Variants in OLFML2A observed in about 807,000 individuals in gnomAD.
OLFML2A encodes olfactomedin like 2A, also known as olfactomedin-like protein 2A.
In OLFML2A, 47 loss-of-function variants were observed where a neutral mutation model predicts 60.9. The observed-to-expected ratio is 0.77, with a 90% CI of 0.61 to 0.98. OLFML2A has a LOEUF of 0.98. OLFML2A is among the 50% of genes least tolerant of loss of function. The pLI, the probability that OLFML2A is intolerant of heterozygous loss-of-function variation, is 0.00. For synonymous variants in OLFML2A, 372 were observed against 375.0 expected (o/e 0.99, Z 0.09); for missense variants, 922 against 879.8 (o/e 1.05, Z -0.61).
chr9:124,805,670 C>A (rs1841879244), intron 6 of OLFML2A, among the ~76,000 whole-genome samples: 1 of 152,000 alleles, frequency 6.6e-6, no homozygotes, highest in Non-Finnish European at 1.5e-5. Flanking sequence ...GCAGTGTATA[C>A]TGCTCAGGTG....
intron 7 of OLFML2A, among the ~76,000 whole-genome samples, chr9:124,809,420 A>G (rs1841958734): frequency 6.6e-6 from 1 of 151,940 alleles, no homozygotes; most frequent in Admixed American, 6.6e-5. Flanking sequence ...AGGAGGTGAC[A>G]TTGGCCTGGG....
At chr9:124,781,051 A>T (rs544022571) in intron 1 of OLFML2A, among the ~76,000 whole-genome samples, 1 of 152,288 alleles carries the variant, frequency 6.6e-6, no homozygotes, top group East Asian at 1.9e-4. Context: ...CCCAGTTGGG[A>T]ACTCATGGAG....
intron 2 of OLFML2A, among the ~76,000 whole-genome samples, chr9:124,792,165 CTG>C (rs1268697974): frequency 6.6e-6 from 1 of 152,254 alleles, no homozygotes; most frequent in Non-Finnish European, 1.5e-5. Context: ...ATCTGGTCAA[CTG>C]TGTGGCACTA....
At chr9:124,798,031 G>A (rs759474595) in intron 3 of OLFML2A, among the ~76,000 whole-genome samples, 4 of 152,246 alleles carry the variant, frequency 2.6e-5, no homozygotes, top group Admixed American at 6.5e-5. Flanking sequence ...GAGCCGGCAC[G>A]GCCCAGGAGA....
At position 124,814,785 on chromosome 9, in the gene OLFML2A, T is replaced by G. The variant is rs61549170; in HGVS notation, c.*4373T>G. ...CTTTACCCTAATCTTTTTATTTTTA[T>G]GCTATTGTACTTTATTTTTGTAAGT... On this transcript the variant is annotated 3_prime_UTR_variant, in exon 8 of 8. Transcript: ENST00000373580. 6.6e-6 allele frequency: 1 copy of G among 152,180 alleles called. No homozygotes were observed. Among genetic ancestry groups the G allele is most frequent in the Non-Finnish European group, 1.5e-5 (1 of 68,044 alleles). 9.4% of individuals were successfully genotyped at this position (152,180 alleles called of 1,614,324 possible).
intron 3 of OLFML2A, among the ~76,000 whole-genome samples, chr9:124,798,462 G>A (rs1043131841): frequency 6.6e-6 from 1 of 152,014 alleles, no homozygotes; most frequent in African/African-American, 2.4e-5. Context: ...TGCTTGCAGT[G>A]AGCCAAGATC....
rs1390049251 is a variant in OLFML2A at position 124,803,880 on chromosome 9, A to G, written c.920-214A>G. On this transcript the variant is annotated intron_variant, in intron 5 of 7. Coordinates refer to ENST00000373580, the MANE Select transcript of OLFML2A (RefSeq NM_182487.4). Reference sequence around the variant, plus strand: ...CCAGGAAGGCAGGGGGACATGGCTGAGGCCACCTGGCTGGGTTTAGAGCCC... The same window carrying G: ...CCAGGAAGGCAGGGGGACATGGCTGGGGCCACCTGGCTGGGTTTAGAGCCC... Among the ~76,000 whole-genome samples the G allele has an allele frequency of 5.3e-5, 8 of 152,310 alleles. No individual in the cohort carries two copies. In the East Asian group the frequency reaches 1.5e-3, roughly 29 times the overall value.
At chr9:124,793,336 G>A (rs760958026) in intron 2 of OLFML2A, among the ~76,000 whole-genome samples, 1 of 152,186 alleles carries the variant, frequency 6.6e-6, no homozygotes, top group Non-Finnish European at 1.5e-5. Context: ...GAGAGGGAGA[G>A]GGGGAGCTGT....
rs368326922 is a variant in OLFML2A, at chr9:124,799,446, C to T, written c.624C>T (p.Ala208=). ...TCCAGCTGCTGCAGAAGGATGCCGC[C>T]GCCGCCCCTGCCACCCCTGCCACGG... ...LGLQLLQKDA[A]AAPATPATGT... Residue 208 remains alanine (A), a synonymous_variant, in exon 4 of 8, where the codon GCC becomes GCT. Transcript: ENST00000373580. 2.6e-4 allele frequency: 423 copies of T among 1,608,036 alleles called. No individual in the cohort carries two copies. Among genetic ancestry groups the T allele is most frequent in the Middle Eastern group, 2.2e-3 (13 of 5,932 alleles).
At chr9:124,799,637 C>A in intron 4 of OLFML2A, 146 bp downstream of exon 4, 1 of 672,504 alleles carries the variant, frequency 1.5e-6, no homozygotes, top group Admixed American at 2.6e-5. Flanking sequence ...GAGTCCCTGG[C>A]AGGGTGAGGT....
chr9:124,790,494 C>A (rs892973169), intron 2 of OLFML2A, among the ~76,000 whole-genome samples: 1 of 152,112 alleles, frequency 6.6e-6, no homozygotes, highest in African/African-American at 2.4e-5. Flanking sequence ...GAATTCTCTA[C>A]TTTGTCCCCT....
rs913285759 is a variant in OLFML2A, at chr9:124,811,344, G to C, written c.*932G>C. On this transcript the variant is annotated 3_prime_UTR_variant, in exon 8 of 8. Transcript: ENST00000373580. ...CTCCCTGGTTCATCCCAGAGCCTTT[G>C]GGCCTGGAGTCCGCCTTGTCCTTTT... 1 of 152,784 alleles carries C rather than the reference G, an allele frequency of 6.5e-6. No individual in the cohort carries two copies. The highest frequency in any genetic ancestry group is 2.4e-5 in the African/African-American group (1 of 41,464). The allele number at this position is 152,784 out of a possible 1,614,324, so 9.5% of individuals were successfully genotyped here.
intron 2 of OLFML2A, among the ~76,000 whole-genome samples, chr9:124,788,170 C>T (rs1242521073): frequency 6.6e-6 from 1 of 151,770 alleles, no homozygotes; most frequent in Non-Finnish European, 1.5e-5. Context: ...GGCATGGTGG[C>T]AGGTGCCTGT....
chr9:124,778,711 C>A (rs977633435), intron 1 of OLFML2A, among the ~76,000 whole-genome samples: 1 of 151,914 alleles, frequency 6.6e-6, no homozygotes, highest in Non-Finnish European at 1.5e-5. Flanking sequence ...GCAGGAGAAT[C>A]GCTTGAACCC....
At chr9:124,785,523 G>A (rs1389853652) in intron 1 of OLFML2A, among the ~76,000 whole-genome samples, 4 of 147,098 alleles carry the variant, frequency 2.7e-5, no homozygotes, top group East Asian at 4.2e-4. Context: ...TCAGCCTCCC[G>A]AGTAGCTGGG....
In OLFML2A at chr9:124,810,402, TC is replaced by T; in HGVS notation, c.1950del (p.Phe650LeufsTer45). 6.3e-7 allele frequency: 1 copy of T among 1,595,954 alleles called. No homozygotes were observed. Among genetic ancestry groups the T allele is most frequent in the Non-Finnish European group, 8.5e-7 (1 of 1,176,910 alleles). On this transcript the variant is annotated frameshift_variant, in exon 8 of 8. Transcript: ENST00000373580. LOFTEE classifies it high-confidence loss of function. ...NGHQLTYTLH[F>X]VV is the part of the protein sequence containing the mutation. ...CACCAGCTCACCTACACCCTCCACTTCGTGGTCTGAGTGGAGACCTGTGCTC... is the reference window on the plus strand; with the variant it reads ...CACCAGCTCACCTACACCCTCCACTTGTGGTCTGAGTGGAGACCTGTGCTC...
chr9:124,784,940 C>CTTTTTTTTTT (rs1461676348), intron 1 of OLFML2A, among the ~76,000 whole-genome samples: 3 of 50,050 alleles, frequency 6.0e-5, no homozygotes, highest in African/African-American at 2.9e-4. Flanking sequence ...ATTCCTTTTA[C>CTTTTTTTTTT]TTGTTTTTTT....
rs958535106 is a variant in OLFML2A, at chr9:124,803,528, A to C, written c.920-566A>C. Among the ~76,000 whole-genome samples the C allele has an allele frequency of 4.6e-5, 7 of 151,942 alleles. No individual in the cohort carries two copies. In the South Asian group the frequency reaches 1.5e-3, roughly 32 times the overall value. ...GATCTGCCGGCCTCAGCCTCCCAAA[A>C]TGCTGGGATTACAGGCACCAGCCAC... is the stretch of plus-strand genomic sequence containing the variant. On this transcript the variant is annotated intron_variant, in intron 5 of 7. Transcript: ENST00000373580.
At chr9:124,781,262 G>A (rs952676515) in intron 1 of OLFML2A, among the ~76,000 whole-genome samples, 2 of 152,146 alleles carry the variant, frequency 1.3e-5, no homozygotes, top group African/African-American at 2.4e-5. Flanking sequence ...AGAAGAACAC[G>A]ATGACTGACA....
Sources: gnomAD v4.1 joint callset for allele counts (sites outside exome capture counted in the v4.1 genomes callset) on GRCh38, gnomAD v4.1.1 for gene constraint, MANE v1.5 for transcripts, NCBI Gene and HGNC (gene_info 2026-07-23, HGNC 2026-07-21) for gene names.